DAPK1: variants seen among roughly 807,000 people sequenced by gnomAD.
DAPK1 encodes death-associated protein kinase 1.
A neutral mutation model predicts 144.9 loss-of-function variants in DAPK1; 56 were observed. That is an observed-to-expected ratio of 0.39 (90% CI 0.31 to 0.48). DAPK1 has a LOEUF of 0.48. Ranked by LOEUF, DAPK1 falls within the 20% of genes least tolerant of loss-of-function variation. The pLI, the probability that DAPK1 is intolerant of heterozygous loss-of-function variation, is 0.95. For missense variants in DAPK1, 1,454 were observed against 1,875.4 expected, an observed-to-expected ratio of 0.78 and a Z score of 4.15; for synonymous variants, 690 against 749.0, an observed-to-expected ratio of 0.92 and a Z score of 1.29.
At chr9:87,645,228 T>C (rs894785689) in intron 11 of DAPK1, among the ~76,000 whole-genome samples, 2 of 152,216 alleles carry the variant, frequency 1.3e-5, no homozygotes, top group Non-Finnish European at 2.9e-5. Flanking sequence ...ATTTTTCCAG[T>C]TTTTGTTCAC....
chr9:87,558,837 A>AT (rs1456631923), intron 2 of DAPK1, among the ~76,000 whole-genome samples: 1 of 152,152 alleles, frequency 6.6e-6, no homozygotes, highest in African/African-American at 2.4e-5. Context: ...CCCATGCTCC[A>AT]TGTGGGCGGA....
chr9:87,689,007 C>T (rs1200828367), intron 21 of DAPK1, among the ~76,000 whole-genome samples: 1 of 152,012 alleles, frequency 6.6e-6, no homozygotes, highest in African/African-American at 2.4e-5. Flanking sequence ...AAATTCTTCC[C>T]CAAGGTCAGT....
At chr9:87,514,248 C>G (rs919954089) in intron 2 of DAPK1, among the ~76,000 whole-genome samples, 28 of 152,182 alleles carry the variant, frequency 1.8e-4, no homozygotes, top group African/African-American at 6.8e-4. Flanking sequence ...GTGTCCAGAG[C>G]TGGTGAGGGG....
chr9:87,510,877 G>A (rs1281187730), intron 2 of DAPK1, among the ~76,000 whole-genome samples: 1 of 152,202 alleles, frequency 6.6e-6, no homozygotes, highest in Admixed American at 6.5e-5. Flanking sequence ...TAATTCATAA[G>A]GTGGTTGTGA....
chr9:87,539,972 G>A (rs1325773912), intron 2 of DAPK1, among the ~76,000 whole-genome samples: 18 of 151,996 alleles, frequency 1.2e-4, no homozygotes, highest in Non-Finnish European at 1.5e-5. Context: ...CCGGCAATTC[G>A]GATGTGCCAA....
chr9:87,616,612 T>G (rs2119017145), intron 3 of DAPK1, among the ~76,000 whole-genome samples: 1 of 152,284 alleles, frequency 6.6e-6, no homozygotes, highest in African/African-American at 2.4e-5. Flanking sequence ...ACAGGGAAAT[T>G]TGAGACTTAA....
intron 2 of DAPK1, among the ~76,000 whole-genome samples, chr9:87,502,162 A>G (rs539540045): frequency 1.8e-4 from 27 of 152,120 alleles, no homozygotes; most frequent in African/African-American, 6.5e-4. Flanking sequence ...TTATAGGAAA[A>G]GGGTCATGGG....
chr9:87,660,182 G>A (rs545291602), intron 18 of DAPK1, among the ~76,000 whole-genome samples: 12 of 152,274 alleles, frequency 7.9e-5, no homozygotes, highest in South Asian at 6.2e-4. Flanking sequence ...TGGAGCTGGC[G>A]TGGAGGCCCA....
chr9:87,659,374 C>G (rs890320697), intron 18 of DAPK1, among the ~76,000 whole-genome samples: 63 of 152,190 alleles, frequency 4.1e-4, no homozygotes, highest in Non-Finnish European at 1.0e-4. Context: ...CTTGCTAGAT[C>G]TTGTTGGCCA....
intron 17 of DAPK1, among the ~76,000 whole-genome samples, chr9:87,652,573 C>T (rs1230368868): frequency 6.7e-5 from 9 of 134,956 alleles, no homozygotes; most frequent in South Asian, 2.5e-4. Flanking sequence ...CACCTGATCC[C>T]GGGTCCTGAT....
intron 20 of DAPK1, among the ~76,000 whole-genome samples, chr9:87,683,085 A>ATTTATTT (rs760162020): frequency 7.1e-5 from 8 of 112,552 alleles, no homozygotes; most frequent in Admixed American, 3.1e-4. Flanking sequence ...TATTTTATTT[A>ATTTATTT]TTTTTTTTTT....
chr9:87,606,667 CCTCT>C (rs1175162300), intron 3 of DAPK1, among the ~76,000 whole-genome samples: 1 of 121,606 alleles, frequency 8.2e-6, no homozygotes, highest in Non-Finnish European at 1.7e-5. Flanking sequence ...TTCCTTCCTC[CCTCT>C]CTCTCCCTGT....
intron 3 of DAPK1, among the ~76,000 whole-genome samples, chr9:87,613,205 T>G (rs1179875309): frequency 6.6e-6 from 1 of 152,230 alleles, no homozygotes; most frequent in East Asian, 1.9e-4. Context: ...TTGCTGATTT[T>G]TTTAATCATG....
At chr9:87,582,416 G>A (rs1442670962) in intron 2 of DAPK1, among the ~76,000 whole-genome samples, 3 of 152,098 alleles carry the variant, frequency 2.0e-5, no homozygotes, top group East Asian at 1.9e-4. Flanking sequence ...TCTTCAATAC[G>A]GTGCTCAAGA....
intron 2 of DAPK1, among the ~76,000 whole-genome samples, chr9:87,510,572 A>G (rs1445729778): frequency 6.6e-6 from 1 of 152,206 alleles, no homozygotes; most frequent in Non-Finnish European, 1.5e-5. Context: ...CATTCTTATT[A>G]CAGGGGACTT....
At position 87,498,123 on chromosome 9, in the gene DAPK1, C is replaced by A; in HGVS notation, c.-109+16C>A. 2.5e-6 allele frequency: 1 copy of A among 397,422 alleles called. No homozygotes were observed. The highest frequency in any genetic ancestry group is 4.4e-6 in the Non-Finnish European group (1 of 225,594). 24.6% of individuals were successfully genotyped at this position (397,422 alleles called of 1,614,324 possible). Reference sequence around the variant, plus strand: ...AGGCGCCCGGGTGAGTAGCCAGGCGCGGCTCCCCGGTCCCCCCGACCCCCG... The same window carrying A: ...AGGCGCCCGGGTGAGTAGCCAGGCGAGGCTCCCCGGTCCCCCCGACCCCCG... On this transcript the variant is annotated intron_variant, in intron 1 of 25. Coordinates refer to ENST00000408954, the MANE Select transcript of DAPK1 (RefSeq NM_004938.4).
chr9:87,504,370 G>A (rs957773928), intron 2 of DAPK1, among the ~76,000 whole-genome samples: 1 of 152,148 alleles, frequency 6.6e-6, no homozygotes, highest in African/African-American at 2.4e-5. Flanking sequence ...GTAAGTGGCA[G>A]TTTGGTTGAA....
At chr9:87,690,220 T>G (rs1323355185) in intron 21 of DAPK1, among the ~76,000 whole-genome samples, 37 of 152,194 alleles carry the variant, frequency 2.4e-4, no homozygotes, top group African/African-American at 6.3e-4. Flanking sequence ...GTCTTTCACC[T>G]CTTTGGTTAA....
chr9:87,699,075 C>G (rs1564077137), intron 23 of DAPK1, among the ~76,000 whole-genome samples: 2 of 152,202 alleles, frequency 1.3e-5, no homozygotes, highest in Admixed American at 6.5e-5. Flanking sequence ...CTGAAATGCT[C>G]TAATAACCAT....
Sources: gnomAD v4.1 joint callset for allele counts (sites outside exome capture counted in the v4.1 genomes callset) on GRCh38, gnomAD v4.1.1 for gene constraint, MANE v1.5 for transcripts, NCBI Gene and HGNC (gene_info 2026-07-23, HGNC 2026-07-21) for gene names.